LRCH1: variants seen among roughly 807,000 people sequenced by gnomAD.
The protein encoded by LRCH1 is leucine-rich repeat and calponin homology domain-containing protein 1.
A neutral mutation model predicts 94.9 loss-of-function variants in LRCH1; 23 were observed. The ratio of observed to expected loss-of-function variants is 0.24; its 90% confidence interval spans 0.17 to 0.34. The LOEUF (loss-of-function observed/expected upper bound fraction) is 0.34, where lower values mean the gene tolerates loss of function less well. LRCH1 is among the 10% of genes least tolerant of loss of function. The probability of loss-of-function intolerance (pLI) is 1.00; values close to 1 mark genes in which losing one functional copy is unlikely to be tolerated. For synonymous variants in LRCH1, 364 were observed against 354.9 expected (o/e 1.03, Z -0.29); for missense variants, 790 against 945.9 (o/e 0.84, Z 2.16).
intron 1 of LRCH1, among the ~76,000 whole-genome samples, chr13:46,617,446 G>T (rs888373857): frequency 1.3e-5 from 2 of 152,280 alleles, no homozygotes; most frequent in East Asian, 3.9e-4. Context: ...TTTTAAGTTG[G>T]TGCCTGAGTA....
intron 11 of LRCH1, 31 bp from the exon 12 acceptor site, chr13:46,705,037 T>G (rs749504328): frequency 1.3e-5 from 16 of 1,187,160 alleles, no homozygotes; most frequent in Non-Finnish European, 1.8e-5. Flanking sequence ...GTTTAATACG[T>G]TTACTAATAT....
chr13:46,604,008 T>C (rs980161886), intron 1 of LRCH1, among the ~76,000 whole-genome samples: 1 of 152,218 alleles, frequency 6.6e-6, no homozygotes, highest in Non-Finnish European at 1.5e-5. Context: ...CCAGTTGTTT[T>C]TGTGCCAGAA....
At chr13:46,678,364 C>T (rs1244845147) in intron 3 of LRCH1, among the ~76,000 whole-genome samples, 4 of 152,130 alleles carry the variant, frequency 2.6e-5, no homozygotes, top group East Asian at 3.8e-4. Context: ...CTTTTTAAAA[C>T]GTGGCAAGTT....
intron 1 of LRCH1, among the ~76,000 whole-genome samples, chr13:46,573,040 G>A (rs1206204400): frequency 6.6e-6 from 1 of 152,090 alleles, no homozygotes; most frequent in East Asian, 1.9e-4. Flanking sequence ...AGGGCTTTGG[G>A]GAATTGAAAA....
chr13:46,736,116 CTCTG>C (rs1873369746), intron 19 of LRCH1, among the ~76,000 whole-genome samples: 1 of 38,630 alleles, frequency 2.6e-5, no homozygotes, highest in African/African-American at 7.8e-5. Context: ...TTCAAATTTG[CTCTG>C]TGTGTGTGTG....
intron 1 of LRCH1, among the ~76,000 whole-genome samples, chr13:46,600,177 A>T (rs1398861829): frequency 1.3e-5 from 2 of 152,144 alleles, no homozygotes; most frequent in East Asian, 3.9e-4. Flanking sequence ...GTGAGCCACC[A>T]CACCCGGCCA....
At position 46,694,923 on chromosome 13, in the gene LRCH1, C is replaced by G. The variant is rs144224530; in HGVS notation, c.1151C>G (p.Pro384Arg). The part of the protein sequence containing the change: ...GEFHQEFQPE[P>R]SLLGDSTNSG... ...TTTCATCAGGAATTTCAACCGGAGC[C>G]TTCCCTTTTGGGTGACAGCACCAAC... Residue 384 changes from proline (P) to arginine (R), a missense_variant, in exon 9 of 20, where the codon CCT becomes CGT. By Grantham distance (103) the Pro-to-Arg change is moderately radical (BLOSUM62 -2). Around this residue, in one of 3 missense-constraint regions of LRCH1, gnomAD observed 460 missense variants for 508.9 expected, o/e 0.90. Coordinates refer to ENST00000389797, the MANE Select transcript of LRCH1 (RefSeq NM_001164211.2). 65 of 1,614,072 alleles carry G rather than the reference C, an allele frequency of 4.0e-5. No homozygotes were observed. The highest frequency in any genetic ancestry group is 8.5e-6 in the Non-Finnish European group (10 of 1,180,016).
In LRCH1 at chr13:46,743,201, T is replaced by C. The variant is rs1407000495; in HGVS notation, c.*1353T>C. 1 of 985,818 alleles carries C rather than the reference T, an allele frequency of 1.0e-6. No individual in the cohort carries two copies. Among genetic ancestry groups the C allele is most frequent in the African/African-American group, 1.7e-5 (1 of 57,372 alleles). The allele number at this position is 985,818 out of a possible 1,614,324, so 61.1% of individuals were successfully genotyped here. A position where few individuals can be genotyped will look rare whatever the true frequency, so the allele number is the denominator to read the frequency against. On this transcript the variant is annotated 3_prime_UTR_variant, in exon 20 of 20. Coordinates refer to ENST00000389797, the MANE Select transcript of LRCH1 (RefSeq NM_001164211.2). ...TTAAGATGCAAACAGCTCTCATAGA[T>C]GGCTACTACGAAGAAAATCTTATTT...
At chr13:46,581,477 G>A (rs1387556329) in intron 1 of LRCH1, among the ~76,000 whole-genome samples, 1 of 152,220 alleles carries the variant, frequency 6.6e-6, no homozygotes, top group Non-Finnish European at 1.5e-5. Context: ...AGAATAGCTG[G>A]CGTCCAGTGA....
At chr13:46,630,942 GC>G (rs745971273) in intron 1 of LRCH1, among the ~76,000 whole-genome samples, 7 of 152,166 alleles carry the variant, frequency 4.6e-5, no homozygotes, top group Non-Finnish European at 7.4e-5. Context: ...TTCTGGTTCT[GC>G]CTTCAGGGAC....
intron 2 of LRCH1, among the ~76,000 whole-genome samples, chr13:46,652,338 A>C (rs568954677): frequency 1.3e-5 from 2 of 150,642 alleles, no homozygotes; most frequent in Admixed American, 6.6e-5. Context: ...GGCCTCCCAA[A>C]GTGCTGGGAT....
chr13:46,688,555 AAC>A, intron 6 of LRCH1, among the ~76,000 whole-genome samples: 1 of 152,346 alleles, frequency 6.6e-6, no homozygotes. Context: ...TCTCACACTG[AAC>A]ACAGTTATAG....
chr13:46,558,572 CAAAAAAAAAA>C lies in LRCH1; in HGVS notation c.307+4886_307+4895del, dbSNP rs575874794. Among the ~76,000 whole-genome samples, 47 of 34,402 alleles carry C rather than the reference CAAAAAAAAAA, an allele frequency of 1.4e-3. 1 individual carries two copies. Among genetic ancestry groups the C allele is most frequent in the Middle Eastern group, 0.014 (1 of 74 alleles). The allele number at this position is 34,402 out of a possible 152,430, so 22.6% of individuals were successfully genotyped here. On this transcript the variant is annotated intron_variant, in intron 1 of 19. Coordinates refer to ENST00000389797, the MANE Select transcript of LRCH1 (RefSeq NM_001164211.2). ...CCAAGACGGTGAAACCCTGTGTCTA[CAAAAAAAAAA>C]AAAAAAAAAAAAAAAAGCTGGGTTC...
At chr13:46,711,925 T>A in intron 14 of LRCH1, 81 bp downstream of exon 14, 1 of 1,056,512 alleles carries the variant, frequency 9.5e-7, no homozygotes, top group Non-Finnish European at 1.4e-6. Flanking sequence ...ATATATAATC[T>A]AAGACTTGTG....
At chr13:46,616,071 T>C (rs1422691422) in intron 1 of LRCH1, among the ~76,000 whole-genome samples, 2 of 152,266 alleles carry the variant, frequency 1.3e-5, no homozygotes, top group Admixed American at 6.5e-5. Flanking sequence ...AGAATTACGA[T>C]GCAGTAATGC....
At chr13:46,627,522 C>T (rs1355860159) in intron 1 of LRCH1, among the ~76,000 whole-genome samples, 1 of 152,138 alleles carries the variant, frequency 6.6e-6, no homozygotes, top group African/African-American at 2.4e-5. Context: ...GAGTTGAGGA[C>T]GTTGTCCAGT....
At chr13:46,716,928 GC>G (rs1288759322) in intron 16 of LRCH1, among the ~76,000 whole-genome samples, 1 of 151,548 alleles carries the variant, frequency 6.6e-6, no homozygotes, top group Non-Finnish European at 1.5e-5. Flanking sequence ...TGGAGGGGAG[GC>G]ATTTTTGTTT....
intron 1 of LRCH1, among the ~76,000 whole-genome samples, chr13:46,566,863 G>C (rs2050190147): frequency 6.6e-6 from 1 of 152,182 alleles, no homozygotes; most frequent in South Asian, 2.1e-4. Context: ...AGAGACCCCA[G>C]ATATATGCAT....
chr13:46,692,533 T>C lies in LRCH1; in HGVS notation c.1015-3T>C. On this transcript the variant is annotated splice_region_variant and splice_polypyrimidine_tract_variant and intron_variant, in intron 7 of 19. Transcript: ENST00000389797. Reference sequence around the variant, plus strand: ...AGTTAAACAGTGCACTGTATCTTTTTAGCCTTCTGACGAAGACACTGTTAG... The same window carrying C: ...AGTTAAACAGTGCACTGTATCTTTTCAGCCTTCTGACGAAGACACTGTTAG... 1 of 1,608,450 alleles carries C rather than the reference T, an allele frequency of 6.2e-7. No homozygotes were observed. Among genetic ancestry groups the C allele is most frequent in the Non-Finnish European group, 8.5e-7 (1 of 1,174,856 alleles).
Sources: gnomAD v4.1 joint callset for allele counts (sites outside exome capture counted in the v4.1 genomes callset) on GRCh38, gnomAD v4.1.1 for gene constraint, gnomAD v4.1.1 regional missense constraint, MANE v1.5 for transcripts, NCBI Gene and HGNC (gene_info 2026-07-23, HGNC 2026-07-21) for gene names.